The following PTPRD variants were observed in gnomAD, a reference collection of about 807,000 sequenced individuals.
PTPRD encodes receptor-type tyrosine-protein phosphatase delta.
In PTPRD, 34 loss-of-function variants were observed where a neutral mutation model predicts 214.5. The observed-to-expected ratio is 0.16, with a 90% CI of 0.12 to 0.21. PTPRD has a LOEUF of 0.21. Among genes scored for constraint, PTPRD ranks in the 10% least tolerant of loss-of-function variants. The pLI, the probability that PTPRD is intolerant of heterozygous loss-of-function variation, is 1.00. For missense variants in PTPRD, 2,545 were observed against 2,398.7 expected (o/e 1.06, Z -1.27); for synonymous variants, 1,128 against 845.7 (o/e 1.33, Z -5.79).
chr9:9,740,377 A>C (rs2098382217), intron 6 of PTPRD, among the ~76,000 whole-genome samples: 1 of 137,398 alleles, frequency 7.3e-6, no homozygotes, highest in African/African-American at 3.0e-5. Flanking sequence ...TTTTTTTTGG[A>C]GATGGAGTCT....
At chr9:9,404,621 G>C (rs911094678) in intron 8 of PTPRD, among the ~76,000 whole-genome samples, 41 of 152,078 alleles carry the variant, frequency 2.7e-4, no homozygotes, top group African/African-American at 9.7e-4. Flanking sequence ...GCCATTTTAA[G>C]TGGGACATAT....
chr9:8,888,834 A>G (rs2098513330), intron 11 of PTPRD, among the ~76,000 whole-genome samples: 1 of 152,182 alleles, frequency 6.6e-6, no homozygotes, highest in South Asian at 2.1e-4. Flanking sequence ...TTGGAGTCCA[A>G]CTATCTTGCA....
At chr9:10,147,708 C>T (rs926480371) in intron 3 of PTPRD, among the ~76,000 whole-genome samples, 72 of 152,046 alleles carry the variant, frequency 4.7e-4, no homozygotes, top group East Asian at 1.9e-4. Context: ...GGTAAAACCC[C>T]GTCTCTACTA....
At chr9:8,321,626 A>C (rs10976949) in intron 44 of PTPRD, among the ~76,000 whole-genome samples, 6 of 150,478 alleles carry the variant, frequency 4.0e-5, no homozygotes, top group Non-Finnish European at 8.9e-5. Flanking sequence ...TAACACATTT[A>C]TGTACCTATA....
rs556596535 is a variant in PTPRD, at chr9:8,426,119, T to C, written c.4086+10473A>G. Among the ~76,000 whole-genome samples the C allele has an allele frequency of 1.1e-4, 17 of 152,294 alleles. No individual in the cohort carries two copies. In the South Asian group the frequency reaches 2.3e-3, roughly 20 times the overall value. ...GTGACTGACAGATAGGTCATGCATATTGAAGTTCACAATAACAAGAGCCAC... is the reference window on the plus strand; with the variant it reads ...GTGACTGACAGATAGGTCATGCATACTGAAGTTCACAATAACAAGAGCCAC... On this transcript the variant is annotated intron_variant, in intron 35 of 45. Transcript: ENST00000381196.
At chr9:9,456,064 C>T (rs2092953483) in intron 8 of PTPRD, among the ~76,000 whole-genome samples, 1 of 151,752 alleles carries the variant, frequency 6.6e-6, no homozygotes, top group African/African-American at 2.4e-5. Context: ...AATACTAATC[C>T]AAGCCTGAAA....
At chr9:9,109,581 A>G (rs2099803234) in intron 10 of PTPRD, among the ~76,000 whole-genome samples, 1 of 152,102 alleles carries the variant, frequency 6.6e-6, no homozygotes, top group South Asian at 2.1e-4. Context: ...AATAATCATA[A>G]CAGTTATACT....
chr9:8,473,049 C>T (rs557732659), intron 30 of PTPRD, among the ~76,000 whole-genome samples: 1 of 152,248 alleles, frequency 6.6e-6, no homozygotes, highest in East Asian at 1.9e-4. Flanking sequence ...CATCACAGGC[C>T]GGAGAGACGC....
At chr9:9,266,428 C>G (rs995076442) in intron 9 of PTPRD, among the ~76,000 whole-genome samples, 2 of 150,264 alleles carry the variant, frequency 1.3e-5, no homozygotes, top group Admixed American at 6.6e-5. Context: ...AACACTTCAC[C>G]CAACAGTAGC....
chr9:8,429,792 G>C (rs948570342), intron 35 of PTPRD, among the ~76,000 whole-genome samples: 1 of 152,180 alleles, frequency 6.6e-6, no homozygotes, highest in East Asian at 1.9e-4. Flanking sequence ...GCTTTGTGAT[G>C]AGAACAAAAC....
rs10283548 is a variant in PTPRD at position 9,782,050 on chromosome 9, C to A, written c.-367-15199G>T. On this transcript the variant is annotated intron_variant, in intron 5 of 45. Transcript: ENST00000381196. ...CTTATGATCTGCCGTCTCAGCCTCC[C>A]AAAGTGCTGGGATTACAGGCGTGAG... Among the ~76,000 whole-genome samples, 1,424 of 152,202 alleles carry A rather than the reference C, an allele frequency of 9.4e-3. 31 individuals are homozygous for A. Among genetic ancestry groups the A allele is most frequent in the African/African-American group, 0.033 (1,361 of 41,520 alleles).
intron 5 of PTPRD, among the ~76,000 whole-genome samples, chr9:9,862,543 A>T (rs912719384): frequency 6.6e-6 from 1 of 152,236 alleles, no homozygotes; most frequent in Non-Finnish European, 1.5e-5. Context: ...ATTTTCTGAC[A>T]TGGCAAAGGC....
At chr9:9,703,622 C>G (rs924186235) in intron 7 of PTPRD, among the ~76,000 whole-genome samples, 2 of 151,976 alleles carry the variant, frequency 1.3e-5, no homozygotes, top group Admixed American at 6.6e-5. Flanking sequence ...TTATTATATA[C>G]ATTTATGTGG....
At chr9:8,846,051 C>T (rs1043011956) in intron 11 of PTPRD, among the ~76,000 whole-genome samples, 2 of 152,118 alleles carry the variant, frequency 1.3e-5, no homozygotes, top group East Asian at 3.9e-4. Flanking sequence ...GAATTGCTAC[C>T]ACAGCCAGAT....
intron 11 of PTPRD, chr9:8,962,768 A>T (rs944825519): frequency 5.3e-5 from 8 of 152,182 alleles, no homozygotes; most frequent in African/African-American, 1.9e-4. Context: ...TGAAGAAAAG[A>T]AACTGGTTAA....
At chr9:9,813,948 C>A (rs1288731479) in intron 5 of PTPRD, among the ~76,000 whole-genome samples, 1 of 152,112 alleles carries the variant, frequency 6.6e-6, no homozygotes, top group East Asian at 1.9e-4. Flanking sequence ...ATGGGTCATT[C>A]ACCATAATCA....
chr9:9,231,581 A>G (rs1194349402), intron 9 of PTPRD, among the ~76,000 whole-genome samples: 1 of 152,004 alleles, frequency 6.6e-6, no homozygotes, highest in African/African-American at 2.4e-5. Flanking sequence ...AACAAATAAT[A>G]CTCTCTGCAC....
intron 30 of PTPRD, among the ~76,000 whole-genome samples, chr9:8,475,321 T>C (rs1565112413): frequency 1.3e-5 from 2 of 152,176 alleles, no homozygotes; most frequent in African/African-American, 4.8e-5. Context: ...CTGAGCCCTT[T>C]CTCTGTGATA....
chr9:8,829,780 A>G (rs1382225170), intron 11 of PTPRD, among the ~76,000 whole-genome samples: 1 of 152,234 alleles, frequency 6.6e-6, no homozygotes, highest in African/African-American at 2.4e-5. Flanking sequence ...AGCTCAGTCT[A>G]CCACTAATAA....
Sources: allele counts gnomAD v4.1 joint callset (sites outside exome capture counted in the v4.1 genomes callset), GRCh38; gene constraint gnomAD v4.1.1; transcripts MANE v1.5; gene names NCBI Gene and HGNC (gene_info 2026-07-23, HGNC 2026-07-21).